Variants in TEAD3 observed in about 807,000 individuals in gnomAD.
TEAD3 encodes TEA domain transcription factor 3.
In TEAD3, 15 loss-of-function variants were observed where a neutral mutation model predicts 55.6. The observed-to-expected ratio is 0.27, with a 90% CI of 0.18 to 0.42. TEAD3 has a LOEUF of 0.42. Among genes scored for constraint, TEAD3 ranks in the 10% least tolerant of loss-of-function variants. The probability of loss-of-function intolerance (pLI) is 1.00; values close to 1 mark genes in which losing one functional copy is unlikely to be tolerated. For missense variants in TEAD3, 407 were observed against 576.8 expected (o/e 0.71, Z 3.01); for synonymous variants, 210 against 232.2 (o/e 0.90, Z 0.87).
chr6:35,480,798 C>T (rs1341014936), intron 3 of TEAD3, among the ~76,000 whole-genome samples: 1 of 152,166 alleles, frequency 6.6e-6, no homozygotes. Context: ...AGCTATGTGT[C>T]CTTGTACAAG....
chr6:35,490,062 A>G (rs1380930689), intron 1 of TEAD3, among the ~76,000 whole-genome samples: 2 of 152,074 alleles, frequency 1.3e-5, no homozygotes, highest in Non-Finnish European at 2.9e-5. Context: ...ACAATGAGCT[A>G]AGGCCCCTCT....
chr6:35,488,861 C>T lies in TEAD3; in HGVS notation c.-49-2150G>A, dbSNP rs533465732. On this transcript the variant is annotated intron_variant, in intron 1 of 12. Coordinates refer to ENST00000639578, the Ensembl canonical transcript of TEAD3. The surrounding 1 kb of genome is among the most constrained non-coding windows in gnomAD (Gnocchi z 4.2). ...GCCTCAGACTCCCATGCAGCCTCCC[C>T]CCTCAGCATGGTGGCACGCACCTGT... Among the ~76,000 whole-genome samples the T allele has an allele frequency of 4.3e-4, 65 of 152,262 alleles. No individual in the cohort carries two copies. Among genetic ancestry groups the T allele is most frequent in the African/African-American group, 1.2e-3 (48 of 41,546 alleles).
At chr6:35,481,042 G>A (rs1038122385) in intron 3 of TEAD3, among the ~76,000 whole-genome samples, 4 of 151,934 alleles carry the variant, frequency 2.6e-5, no homozygotes, top group Non-Finnish European at 5.9e-5. Flanking sequence ...AACGAGGCCT[G>A]GCCCTCCTGC....
chr6:35,490,118 G>A (rs1268569338), intron 1 of TEAD3, among the ~76,000 whole-genome samples: 3 of 152,110 alleles, frequency 2.0e-5, no homozygotes, highest in Non-Finnish European at 2.9e-5. Flanking sequence ...GGCCCAGGCA[G>A]CCCCAGACTT....
rs767487947 is a variant in TEAD3 at position 35,475,650 on chromosome 6, A to G, written c.957T>C (p.Ser319=). The change falls in exon 11 of 13, where the codon TCT becomes TCC. Residue 319 remains serine (S), a synonymous_variant. Transcript: ENST00000639578. This position sits in a 1 kb window ranked among gnomAD's most constrained non-coding sequence, Gnocchi z 5.4. ...TCATGCTATCAGCAGAGCTGTACTG[A>G]GAGCTGACCCCATAGAAGGCTCCCG... is the stretch of plus-strand genomic sequence containing the variant. 1.5e-5 allele frequency: 24 copies of G among 1,613,250 alleles called. No individual in the cohort carries two copies. The highest frequency in any genetic ancestry group is 1.1e-5 in the South Asian group (1 of 91,062).
intron 5 of TEAD3, 60 bp downstream of exon 5, chr6:35,479,245 C>G (rs895579404): frequency 1.3e-6 from 2 of 1,594,230 alleles, no homozygotes; most frequent in South Asian, 2.2e-5. Context: ...ATTTGAAAAT[C>G]CTGTATTAGG....
chr6:35,486,710 G>C lies in TEAD3; in HGVS notation c.-48C>G, dbSNP rs370676369. The C allele has an allele frequency of 2.5e-6, 4 of 1,589,052 alleles. No homozygotes were observed. The highest frequency in any genetic ancestry group is 3.4e-6 in the Non-Finnish European group (4 of 1,165,300). On this transcript the variant is annotated splice_region_variant and 5_prime_UTR_variant, in exon 2 of 13. Transcript: ENST00000639578. The surrounding 1 kb of genome is among the most constrained non-coding windows in gnomAD (Gnocchi z 7.3). ...GGGCCTGAGCCCACTGGGCGGCTGA[G>C]CCTGGGGGACAGACAGACAGGAACT... is the stretch of plus-strand genomic sequence containing the variant.
chr6:35,473,856 G>A (rs909757099), downstream of TEAD3: 1 of 152,508 alleles, frequency 6.6e-6, no homozygotes, highest in South Asian at 2.1e-4. Flanking sequence ...AGGAAGGGAA[G>A]GGGCACAGTA....
At chr6:35,489,468 A>G (rs1768457751) in intron 1 of TEAD3, among the ~76,000 whole-genome samples, 1 of 152,200 alleles carries the variant, frequency 6.6e-6, no homozygotes, top group South Asian at 2.1e-4. Flanking sequence ...AAGTCTGCCC[A>G]GGAGGTCCCC....
chr6:35,490,538 G>A (rs886392880), intron 1 of TEAD3, among the ~76,000 whole-genome samples: 6 of 152,204 alleles, frequency 3.9e-5, no homozygotes, highest in African/African-American at 1.2e-4. Context: ...GGGGCTGTGC[G>A]AGTGCTCGGG....
chr6:35,488,753 T>TAAAAA lies in TEAD3; in HGVS notation c.-49-2043_-49-2042insTTTTT, dbSNP rs1768439231. 6.6e-6 allele frequency among the ~76,000 whole-genome samples: 1 copy of TAAAAA among 152,234 alleles called. No homozygotes were observed. The highest frequency in any genetic ancestry group is 1.5e-5 in the Non-Finnish European group (1 of 68,048). On this transcript the variant is annotated intron_variant, in intron 1 of 12. Coordinates refer to ENST00000639578, the Ensembl canonical transcript of TEAD3. This position sits in a 1 kb window ranked among gnomAD's most constrained non-coding sequence, Gnocchi z 4.2. ...TGTTTTTTATTTTTTAGACGGAGTC[T>TAAAAA]TGCTCTGTCGCCCAGGCTAGAGTGC... is the stretch of plus-strand genomic sequence containing the variant.
In TEAD3 at chr6:35,485,535, G is replaced by A. The variant is rs149226181; in HGVS notation, c.203-911C>T. ...GGCCAAATTCTCCAAATTCCATTCC[G>A]ATGACTGAACCAGCCCCATTGCTCC... On this transcript the variant is annotated intron_variant, in intron 2 of 12. Transcript: ENST00000639578. This position sits in a 1 kb window ranked among gnomAD's most constrained non-coding sequence, Gnocchi z 4.3. Among the ~76,000 whole-genome samples the A allele has an allele frequency of 6.6e-6, 1 of 151,990 alleles. No individual in the cohort carries two copies. The highest frequency in any genetic ancestry group is 1.5e-5 in the Non-Finnish European group (1 of 67,964).
In TEAD3 at chr6:35,496,708, C is replaced by T. The variant is rs1321339853; in HGVS notation, c.-50+190G>A. Among the ~76,000 whole-genome samples the T allele has an allele frequency of 6.6e-6, 1 of 151,942 alleles. No homozygotes were observed. Among genetic ancestry groups the T allele is most frequent in the African/African-American group, 2.4e-5 (1 of 41,380 alleles). On this transcript the variant is annotated intron_variant, in intron 1 of 12. Coordinates refer to ENST00000639578, the Ensembl canonical transcript of TEAD3. The surrounding 1 kb of genome is among the most constrained non-coding windows in gnomAD (Gnocchi z 4.8). The stretch of plus-strand genomic sequence containing the variant: ...GCGGGGGGGTGGGGAGGGCGGGGGG[C>T]GGGGCTTCCCGGAGAGATTTTCCCC...
rs899123216 is a variant in TEAD3 at position 35,475,876 on chromosome 6, G to A, written c.900+43C>T. The A allele has an allele frequency of 2.7e-6, 4 of 1,508,084 alleles. No individual in the cohort carries two copies. The highest frequency in any genetic ancestry group is 2.2e-5 in the Admixed American group (1 of 45,302). 93.4% of individuals were successfully genotyped at this position (1,508,084 alleles called of 1,614,324 possible). ...TGGGCCTGGATGTTGCACCTCTGGG[G>A]TGGGGAAGGGGGCTTGGAGCAGAGA... On this transcript the variant is annotated intron_variant, in intron 10 of 12. Coordinates refer to ENST00000639578, the Ensembl canonical transcript of TEAD3. This position sits in a 1 kb window ranked among gnomAD's most constrained non-coding sequence, Gnocchi z 5.4.
At position 35,475,644 on chromosome 6, in the gene TEAD3, G is replaced by A. The variant is rs761914488; in HGVS notation, c.963C>T (p.Tyr321=). ...TGATGGTCATGCTATCAGCAGAGCT[G>A]TACTGAGAGCTGACCCCATAGAAGG... The change falls in exon 11 of 13, where the codon TAC becomes TAT. Residue 321 remains tyrosine, a synonymous_variant. Coordinates refer to ENST00000639578, the Ensembl canonical transcript of TEAD3. The surrounding 1 kb of genome is among the most constrained non-coding windows in gnomAD (Gnocchi z 5.4). 3.7e-6 allele frequency: 6 copies of A among 1,613,662 alleles called. No individual in the cohort carries two copies. The highest frequency in any genetic ancestry group is 5.1e-6 in the Non-Finnish European group (6 of 1,179,652).
At chr6:35,490,360 G>A (rs1427292454) in intron 1 of TEAD3, among the ~76,000 whole-genome samples, 1 of 152,160 alleles carries the variant, frequency 6.6e-6, no homozygotes, top group Non-Finnish European at 1.5e-5. Context: ...AGGGGGGACG[G>A]CCCAAAGGAC....
intron 1 of TEAD3, among the ~76,000 whole-genome samples, chr6:35,490,016 C>T (rs1768474531): frequency 1.3e-5 from 2 of 152,148 alleles, no homozygotes; most frequent in African/African-American, 4.8e-5. Context: ...TCTGACACTG[C>T]CACAGAGCTG....
rs756235804 is a variant in TEAD3, at chr6:35,475,720, T to TG, written c.901-15dup. 4 of 1,568,360 alleles carry TG rather than the reference T, an allele frequency of 2.6e-6. No homozygotes were observed. The highest frequency in any genetic ancestry group is 4.5e-5 in the East Asian group (2 of 44,368). On this transcript the variant is annotated splice_polypyrimidine_tract_variant and intron_variant, in intron 10 of 12. Coordinates refer to ENST00000639578, the Ensembl canonical transcript of TEAD3. The surrounding 1 kb of genome is among the most constrained non-coding windows in gnomAD (Gnocchi z 5.4). ...GTTGAGGTCGGCCTGGGCATGGGGG[T>TG]GGGGGGTGTTAGGTGCTGGCAGAGA... is the stretch of plus-strand genomic sequence containing the variant.
chr6:35,478,617 C>A, intron 5 of TEAD3, 46 bp from the exon 6 acceptor site: 1 of 1,547,392 alleles, frequency 6.5e-7, no homozygotes, highest in Non-Finnish European at 8.7e-7. Flanking sequence ...CTGGATGAGG[C>A]CAGGCTTGCT....
Sources: allele counts gnomAD v4.1 joint callset (sites outside exome capture counted in the v4.1 genomes callset), GRCh38; gene constraint gnomAD v4.1.1; non-coding constraint Gnocchi (gnomAD v3.1); transcripts MANE v1.5; gene names NCBI Gene and HGNC (gene_info 2026-07-23, HGNC 2026-07-21).